The following BACH2 variants were observed in gnomAD, a reference collection of about 807,000 sequenced individuals.
BACH2 encodes transcription regulator protein BACH2.
Under a neutral mutation model 61.8 loss-of-function variants are expected in BACH2, and 5 were observed. That is an observed-to-expected ratio of 0.08 (90% confidence interval 0.04 to 0.17). The LOEUF (loss-of-function observed/expected upper bound fraction) is 0.17. BACH2 is among the 10% of genes least tolerant of loss of function. BACH2 has a pLI of 1.00. For missense variants in BACH2, 824 were observed against 1,091.1 expected (o/e 0.76, Z 3.45); for synonymous variants, 446 against 440.1 (o/e 1.01, Z -0.17).
chr6:90,115,320 A>G (rs1783351380), intron 4 of BACH2, among the ~76,000 whole-genome samples: 1 of 152,194 alleles, frequency 6.6e-6, no homozygotes, highest in East Asian at 1.9e-4. Flanking sequence ...GTACAAAAAC[A>G]AACACATAAA....
chr6:89,934,057 C>T (rs950073661), intron 8 of BACH2, among the ~76,000 whole-genome samples: 5 of 152,080 alleles, frequency 3.3e-5, no homozygotes, highest in African/African-American at 7.2e-5. Context: ...CGTTGCCTAA[C>T]ATACGGAGTT....
rs1770603023 is a variant in BACH2 at position 90,245,492 on chromosome 6, G to A, written c.-275+7021C>T. On this transcript the variant is annotated intron_variant, in intron 3 of 8. Coordinates refer to ENST00000257749, the MANE Select transcript of BACH2 (RefSeq NM_021813.4). ...TGCCTGTAGTCCCAGCTACTCCAGA[G>A]GCTGAGGTAGCCAGTGAACTGTGAC... 2.0e-5 allele frequency among the ~76,000 whole-genome samples: 3 copies of A among 152,174 alleles called. 1 individual carries two copies. Among genetic ancestry groups the A allele is most frequent in the Admixed American group, 2.0e-4 (3 of 15,280 alleles).
intron 5 of BACH2, among the ~76,000 whole-genome samples, chr6:90,043,814 T>G (rs183400518): frequency 2.0e-5 from 3 of 152,184 alleles, no homozygotes; most frequent in Non-Finnish European, 4.4e-5. Flanking sequence ...CAGGCACAGT[T>G]GGGAGATTCA....
Position 90,275,918 on chromosome 6 carries a change from G to A in BACH2, c.-445-3977C>T, listed in dbSNP as rs143810720. ...CAGGAGGCAGAGGCTGCAGTGAGCC[G>A]AGATCACACCACTGCACTCCAGCCT... On this transcript the variant is annotated intron_variant, in intron 1 of 8. Coordinates refer to ENST00000257749, the MANE Select transcript of BACH2 (RefSeq NM_021813.4). Among the ~76,000 whole-genome samples the A allele has an allele frequency of 8.0e-3, 1,202 of 150,800 alleles. 9 individuals carry two copies. Among genetic ancestry groups the A allele is most frequent in the East Asian group, 0.022 (111 of 5,108 alleles).
chr6:90,062,015 T>C (rs1318407831), intron 5 of BACH2, among the ~76,000 whole-genome samples: 1 of 152,180 alleles, frequency 6.6e-6, no homozygotes, highest in Non-Finnish European at 1.5e-5. Flanking sequence ...AAGAAGTTTT[T>C]TCCTGGGGCA....
intron 3 of BACH2, among the ~76,000 whole-genome samples, chr6:90,230,236 A>G (rs555457527): frequency 2.6e-5 from 4 of 152,308 alleles, no homozygotes; most frequent in South Asian, 4.2e-4. Flanking sequence ...GAGATAACTG[A>G]TAACACCTCC....
At chr6:89,945,465 G>A (rs1694657562) in intron 7 of BACH2, among the ~76,000 whole-genome samples, 1 of 152,206 alleles carries the variant, frequency 6.6e-6, no homozygotes, top group Non-Finnish European at 1.5e-5. Flanking sequence ...GCCACATCTT[G>A]CAAGATTCTA....
chr6:89,998,367 C>T (rs570980390), intron 6 of BACH2, among the ~76,000 whole-genome samples: 6 of 152,272 alleles, frequency 3.9e-5, no homozygotes, highest in East Asian at 1.9e-4. Context: ...CAAAGCTCAC[C>T]GCATTACTAG....
chr6:90,214,751 CTTTTTTTTTTTTT>C (rs563651580), intron 3 of BACH2, among the ~76,000 whole-genome samples: 14 of 94,308 alleles, frequency 1.5e-4, no homozygotes, highest in African/African-American at 4.1e-4. Flanking sequence ...GATTCTGTTC[CTTTTTTTTTTTTT>C]TTTTTTTTTT....
intron 4 of BACH2, among the ~76,000 whole-genome samples, chr6:90,160,773 C>T (rs1785162258): frequency 6.6e-6 from 1 of 152,170 alleles, no homozygotes; most frequent in South Asian, 2.1e-4. Flanking sequence ...GGAGTCTTCA[C>T]TTAAACCACT....
chr6:90,028,327 G>T (rs746356157), intron 5 of BACH2, among the ~76,000 whole-genome samples: 22 of 152,204 alleles, frequency 1.4e-4, no homozygotes, highest in Non-Finnish European at 2.9e-4. Context: ...TGGCAGATGG[G>T]GGACTTGTAT....
chr6:90,243,252 G>A (rs761095808), intron 3 of BACH2, among the ~76,000 whole-genome samples: 5 of 151,106 alleles, frequency 3.3e-5, no homozygotes, highest in East Asian at 1.9e-4. Flanking sequence ...CGCAAGGATC[G>A]TCTTTAAAAA....
chr6:90,264,781 T>C (rs1771271854), intron 2 of BACH2, among the ~76,000 whole-genome samples: 1 of 152,188 alleles, frequency 6.6e-6, no homozygotes, highest in Non-Finnish European at 1.5e-5. Context: ...AGTGAGACCC[T>C]GGTTCACCTG....
chr6:89,947,902 G>A (rs1354707511), intron 7 of BACH2, among the ~76,000 whole-genome samples: 1 of 152,054 alleles, frequency 6.6e-6, no homozygotes, highest in Non-Finnish European at 1.5e-5. Context: ...AAAAATAAGA[G>A]TATTTTTAAA....
chr6:90,047,619 A>G (rs1400946241), intron 5 of BACH2, among the ~76,000 whole-genome samples: 1 of 152,208 alleles, frequency 6.6e-6, no homozygotes, highest in Admixed American at 6.5e-5. Flanking sequence ...TGGCTGTCTT[A>G]TAATAACCCA....
At position 89,968,979 on chromosome 6, in the gene BACH2, C is replaced by T. The variant is rs1775204743; in HGVS notation, c.244-17117G>A. Among the ~76,000 whole-genome samples the T allele has an allele frequency of 4.0e-5, 6 of 151,540 alleles. No homozygotes were observed. The South Asian group carries it at 1.0e-3, about 26-fold the overall frequency. On this transcript the variant is annotated intron_variant, in intron 6 of 8. Coordinates refer to ENST00000257749, the MANE Select transcript of BACH2 (RefSeq NM_021813.4). ...TAAGCTGAGATTGTGCCACTGCACT[C>T]CAGCCTGGGTGACAGAATGAGACTC...
At chr6:90,062,011 T>G (rs970595625) in intron 5 of BACH2, among the ~76,000 whole-genome samples, 1 of 152,026 alleles carries the variant, frequency 6.6e-6, no homozygotes, top group African/African-American at 2.4e-5. Flanking sequence ...ACACAAGAAG[T>G]TTTTTCCTGG....
intron 5 of BACH2, among the ~76,000 whole-genome samples, chr6:90,055,474 GA>G (rs775829402): frequency 1.3e-5 from 2 of 152,156 alleles, no homozygotes; most frequent in Non-Finnish European, 2.9e-5. Context: ...GGGACTATGT[GA>G]AAAGACCAAA....
intron 2 of BACH2, among the ~76,000 whole-genome samples, chr6:90,270,738 A>G (rs12191715): frequency 0.031 from 4,677 of 152,314 alleles, 136 homozygotes; most frequent in South Asian, 0.1. Flanking sequence ...CCTAAAATTC[A>G]CAAGGAACCA....
Sources: allele counts gnomAD v4.1 joint callset (sites outside exome capture counted in the v4.1 genomes callset), GRCh38; gene constraint gnomAD v4.1.1; transcripts MANE v1.5; gene names NCBI Gene and HGNC (gene_info 2026-07-23, HGNC 2026-07-21).